Variants in CNTNAP2 observed in about 807,000 individuals in gnomAD.
The protein encoded by CNTNAP2 is contactin-associated protein-like 2.
CNTNAP2 carries 98 observed loss-of-function variants against 155.2 expected under a neutral mutation model. The observed-to-expected ratio is 0.63, with a 90% confidence interval of 0.54 to 0.75. The LOEUF (loss-of-function observed/expected upper bound fraction) is 0.75, where lower values mean the gene tolerates loss of function less well. Ranked by LOEUF, CNTNAP2 falls within the 30% of genes least tolerant of loss-of-function variation. The pLI is 0.00. For missense variants in CNTNAP2, 1,727 were observed against 1,688.1 expected (o/e 1.02, Z -0.40); for synonymous variants, 651 against 631.2 (o/e 1.03, Z -0.47).
intron 13 of CNTNAP2, among the ~76,000 whole-genome samples, chr7:147,646,739 T>TTG (rs1450226354): frequency 2.6e-5 from 4 of 152,014 alleles, no homozygotes; most frequent in East Asian, 3.9e-4. Context: ...AAGTAACACG[T>TTG]TGTGTGTGTG....
chr7:148,285,687 T>C lies in CNTNAP2; in HGVS notation c.3475+18561T>C, dbSNP rs183651105. On this transcript the variant is annotated intron_variant, in intron 21 of 23. Transcript: ENST00000361727. The stretch of plus-strand genomic sequence containing the variant: ...TTAAAGTGACATGTGCCAAGTCATA[T>C]AGCTAGTAAGTGGTAGAACCATGAT... Among the ~76,000 whole-genome samples, 16 of 152,380 alleles carry C rather than the reference T, an allele frequency of 1.1e-4. No homozygotes were observed. The East Asian group carries it at 3.1e-3, about 29-fold the overall frequency.
chr7:147,088,764 G>C (rs554804286), intron 4 of CNTNAP2, among the ~76,000 whole-genome samples: 1 of 152,164 alleles, frequency 6.6e-6, no homozygotes, highest in African/African-American at 2.4e-5. Context: ...GCAACATAGA[G>C]AGACCCCATC....
At chr7:146,382,262 G>T (rs1007281767) in intron 1 of CNTNAP2, among the ~76,000 whole-genome samples, 1 of 152,098 alleles carries the variant, frequency 6.6e-6, no homozygotes, top group Non-Finnish European at 1.5e-5. Context: ...TGCAGAAGCA[G>T]GTGCAATCGA....
chr7:146,922,061 A>C (rs1319449071), intron 3 of CNTNAP2, among the ~76,000 whole-genome samples: 1 of 152,182 alleles, frequency 6.6e-6, no homozygotes, highest in African/African-American at 2.4e-5. Context: ...AGAATGATAG[A>C]TATCACATCA....
At chr7:147,917,128 T>A (rs1800175248) in intron 14 of CNTNAP2, among the ~76,000 whole-genome samples, 1 of 152,214 alleles carries the variant, frequency 6.6e-6, no homozygotes, top group South Asian at 2.1e-4. Flanking sequence ...CCTACAACTC[T>A]GTCTATAACT....
At chr7:146,246,377 G>GT (rs1383619501) in intron 1 of CNTNAP2, among the ~76,000 whole-genome samples, 3 of 150,886 alleles carry the variant, frequency 2.0e-5, no homozygotes, top group South Asian at 2.1e-4. Context: ...AACTGGGCAG[G>GT]TGGGGATAAC....
At chr7:146,569,740 GA>G (rs958361386) in intron 1 of CNTNAP2, among the ~76,000 whole-genome samples, 4 of 152,066 alleles carry the variant, frequency 2.6e-5, no homozygotes, top group Middle Eastern at 3.4e-3. Flanking sequence ...AATACTACAG[GA>G]AAAAAAGGCA....
At chr7:147,752,286 T>A (rs1328301107) in intron 13 of CNTNAP2, among the ~76,000 whole-genome samples, 3 of 149,916 alleles carry the variant, frequency 2.0e-5, no homozygotes, top group Non-Finnish European at 4.4e-5. Flanking sequence ...GGGGCCACAC[T>A]TTTTTTCTGA....
chr7:147,828,964 G>C (rs1798504813), intron 13 of CNTNAP2, among the ~76,000 whole-genome samples: 1 of 152,026 alleles, frequency 6.6e-6, no homozygotes, highest in South Asian at 2.1e-4. Flanking sequence ...ACTCTGCTAG[G>C]CACGAGTTTT....
intron 3 of CNTNAP2, among the ~76,000 whole-genome samples, chr7:146,993,907 A>G (rs943675616): frequency 3.3e-5 from 5 of 152,168 alleles, no homozygotes; most frequent in African/African-American, 9.6e-5. Flanking sequence ...AGTATTTTCC[A>G]GGTTCAACCA....
intron 2 of CNTNAP2, among the ~76,000 whole-genome samples, chr7:146,795,659 A>G (rs527862460): frequency 6.6e-6 from 1 of 152,326 alleles, no homozygotes; most frequent in South Asian, 2.1e-4. Context: ...CAATTTCCCA[A>G]CTACCCTTAT....
rs957515555 is a variant in CNTNAP2, at chr7:146,369,617, G to C, written c.97+252644G>C. On this transcript the variant is annotated intron_variant, in intron 1 of 23. Transcript: ENST00000361727. ...CCATCTGAATGATGAAAAATAGTAAGTTATTTATTAAATTATTATTTACCT... is the reference window on the plus strand; with the variant it reads ...CCATCTGAATGATGAAAAATAGTAACTTATTTATTAAATTATTATTTACCT... Among the ~76,000 whole-genome samples the C allele has an allele frequency of 1.8e-4, 28 of 152,070 alleles. 1 individual carries two copies. The highest frequency in any genetic ancestry group is 1.8e-3 in the Admixed American group (28 of 15,260).
At chr7:147,484,142 C>T (rs1798471742) in intron 10 of CNTNAP2, among the ~76,000 whole-genome samples, 1 of 152,134 alleles carries the variant, frequency 6.6e-6, no homozygotes, top group African/African-American at 2.4e-5. Flanking sequence ...ATCCCCACCC[C>T]ACCTCCACTC....
chr7:146,191,305 A>AT (rs1291373179), intron 1 of CNTNAP2, among the ~76,000 whole-genome samples: 1 of 152,132 alleles, frequency 6.6e-6, no homozygotes, highest in Non-Finnish European at 1.5e-5. Flanking sequence ...TGTATTAGTG[A>AT]TTTTTAAAGG....
At chr7:146,216,588 C>A in intron 1 of CNTNAP2, among the ~76,000 whole-genome samples, 1 of 152,168 alleles carries the variant, frequency 6.6e-6, no homozygotes, top group Non-Finnish European at 1.5e-5. Context: ...GACCTGGAAG[C>A]CAAGCCAGGC....
intron 13 of CNTNAP2, among the ~76,000 whole-genome samples, chr7:147,817,553 T>A (rs2116616231): frequency 6.6e-6 from 1 of 152,246 alleles, no homozygotes; most frequent in South Asian, 2.1e-4. Flanking sequence ...GCTGAAGAAC[T>A]TATTCACGTA....
chr7:147,379,899 C>G (rs1796504949), intron 9 of CNTNAP2, among the ~76,000 whole-genome samples: 1 of 151,936 alleles, frequency 6.6e-6, no homozygotes, highest in Admixed American at 6.6e-5. Context: ...CAGCTAACAC[C>G]CTGAATTTCA....
intron 3 of CNTNAP2, among the ~76,000 whole-genome samples, chr7:146,960,019 G>A (rs1177534436): frequency 6.6e-6 from 1 of 152,042 alleles, no homozygotes; most frequent in Non-Finnish European, 1.5e-5. Context: ...TGGGGCACAG[G>A]TTGTCCACTC....
chr7:146,674,188 A>G (rs1380634715), intron 1 of CNTNAP2, among the ~76,000 whole-genome samples: 1 of 152,182 alleles, frequency 6.6e-6, no homozygotes, highest in Non-Finnish European at 1.5e-5. Context: ...AAAATCTTCA[A>G]AAATCTAAGT....
Sources: gnomAD v4.1 joint callset for allele counts (sites outside exome capture counted in the v4.1 genomes callset) on GRCh38, gnomAD v4.1.1 for gene constraint, MANE v1.5 for transcripts, NCBI Gene and HGNC (gene_info 2026-07-23, HGNC 2026-07-21) for gene names.